PACS1: variants seen among roughly 807,000 people sequenced by gnomAD.
The protein encoded by PACS1 is phosphofurin acidic cluster sorting protein 1.
A neutral mutation model predicts 115.0 loss-of-function variants in PACS1; 24 were observed. That is an observed-to-expected ratio of 0.21 (90% CI 0.15 to 0.29). PACS1 has a LOEUF of 0.29. Ranked by LOEUF, PACS1 falls within the 10% of genes least tolerant of loss-of-function variation. PACS1 has a pLI of 1.00. For missense variants in PACS1, 838 were observed against 1,251.2 expected, an observed-to-expected ratio of 0.67 and a Z score of 4.98; for synonymous variants, 453 against 504.5, an observed-to-expected ratio of 0.90 and a Z score of 1.37.
intron 21 of PACS1, 196 bp from the exon 22 acceptor site, chr11:66,241,231 A>G (rs1855807821): frequency 9.2e-6 from 5 of 540,944 alleles, no homozygotes; most frequent in Non-Finnish European, 1.6e-5. Context: ...TTGGGCCTTT[A>G]TTCTCCCCAG....
intron 1 of PACS1, among the ~76,000 whole-genome samples, chr11:66,122,169 A>G (rs928472632): frequency 6.6e-6 from 1 of 152,208 alleles, no homozygotes; most frequent in Non-Finnish European, 1.5e-5. Context: ...AATTATGCTC[A>G]ATCTACTCTG....
At chr11:66,168,375 G>C (rs1276114257) in intron 1 of PACS1, among the ~76,000 whole-genome samples, 2 of 150,554 alleles carry the variant, frequency 1.3e-5, no homozygotes, top group East Asian at 3.8e-4. Flanking sequence ...ATTTGTATAC[G>C]TACAGTATAA....
chr11:66,171,800 C>A (rs1481331026), intron 1 of PACS1, among the ~76,000 whole-genome samples: 1 of 145,492 alleles, frequency 6.9e-6, no homozygotes, highest in East Asian at 1.9e-4. Context: ...AGGATGGTCT[C>A]GATCTCCTGA....
At chr11:66,092,174 C>G (rs1857679233) in intron 1 of PACS1, among the ~76,000 whole-genome samples, 1 of 152,094 alleles carries the variant, frequency 6.6e-6, no homozygotes, top group Admixed American at 6.5e-5. Flanking sequence ...CACATCCTCT[C>G]CAGCACCTGT....
chr11:66,160,770 C>T (rs1372776054), intron 1 of PACS1, among the ~76,000 whole-genome samples: 1 of 151,360 alleles, frequency 6.6e-6, no homozygotes, highest in Non-Finnish European at 1.5e-5. Flanking sequence ...GATCCTCCTG[C>T]CTCGGCCTCC....
At chr11:66,117,784 G>A (rs2134555614) in intron 1 of PACS1, among the ~76,000 whole-genome samples, 1 of 152,144 alleles carries the variant, frequency 6.6e-6, no homozygotes, top group South Asian at 2.1e-4. Context: ...AGGTGAGGTT[G>A]CAGTGAGCCG....
chr11:66,220,873 T>C (rs1855328498), intron 9 of PACS1, 82 bp downstream of exon 9: 1 of 1,415,650 alleles, frequency 7.1e-7, no homozygotes, highest in Non-Finnish European at 9.7e-7. Context: ...CGCTGTCCCC[T>C]CTATTACCAG....
chr11:66,182,218 A>C (rs6591208), intron 1 of PACS1, among the ~76,000 whole-genome samples: 31,216 of 152,080 alleles, frequency 0.21, 3,283 homozygotes, highest in Middle Eastern at 0.28. Flanking sequence ...TGTGCAAGTA[A>C]TTGGCATTCA....
At chr11:66,141,654 A>C (rs1590774088) in intron 1 of PACS1, among the ~76,000 whole-genome samples, 1 of 94,934 alleles carries the variant, frequency 1.1e-5, no homozygotes, top group African/African-American at 3.5e-5. Flanking sequence ...ACTCCATCTC[A>C]AAAAAAAAAA....
intron 1 of PACS1, among the ~76,000 whole-genome samples, chr11:66,116,828 T>G (rs1858317170): frequency 1.3e-5 from 2 of 151,818 alleles, no homozygotes; most frequent in African/African-American, 4.9e-5. Context: ...AGGTGGAGTT[T>G]GCAGTGAGCT....
At chr11:66,074,071 A>AT (rs536832958) in intron 1 of PACS1, among the ~76,000 whole-genome samples, 4 of 151,470 alleles carry the variant, frequency 2.6e-5, no homozygotes, top group African/African-American at 9.7e-5. Flanking sequence ...TTTTACCAGC[A>AT]TTTTTTTTAA....
intron 1 of PACS1, among the ~76,000 whole-genome samples, chr11:66,181,307 G>C (rs545517857): frequency 6.6e-6 from 1 of 151,602 alleles, no homozygotes; most frequent in Admixed American, 6.6e-5. Flanking sequence ...CACCTCCCAG[G>C]GTTCAAACGA....
chr11:66,234,028 T>C, intron 16 of PACS1, 89 bp downstream of exon 16: 1 of 1,567,040 alleles, frequency 6.4e-7, no homozygotes, highest in Non-Finnish European at 8.8e-7. Context: ...GGTTGGGGCC[T>C]AGGAAGGGAC....
chr11:66,125,806 G>A (rs1411911914), intron 1 of PACS1, among the ~76,000 whole-genome samples: 2 of 152,160 alleles, frequency 1.3e-5, no homozygotes, highest in African/African-American at 4.8e-5. Flanking sequence ...TTGGGAGGCC[G>A]AGGCAGGCAG....
chr11:66,109,085 A>G lies in PACS1; in HGVS notation c.356+38243A>G, dbSNP rs370236016. On this transcript the variant is annotated intron_variant, in intron 1 of 23. Transcript: ENST00000320580. The stretch of plus-strand genomic sequence containing the variant: ...GCTTCAGGTGCAATATCTCACACAG[A>G]CACTATGGCCTTCGTTCACTTTTTA... Among the ~76,000 whole-genome samples the G allele has an allele frequency of 5.9e-5, 9 of 152,348 alleles. No homozygotes were observed. The South Asian group carries it at 8.3e-4, about 14-fold the overall frequency.
chr11:66,215,430 C>T (rs1855178435), intron 4 of PACS1, among the ~76,000 whole-genome samples: 1 of 151,358 alleles, frequency 6.6e-6, no homozygotes, highest in African/African-American at 2.4e-5. Context: ...TAGTGAGACC[C>T]CATCTCTACA....
intron 1 of PACS1, among the ~76,000 whole-genome samples, chr11:66,164,438 TA>T (rs541706127): frequency 1.1e-3 from 161 of 149,552 alleles, no homozygotes; most frequent in African/African-American, 3.4e-3. Context: ...TCAGATCTAT[TA>T]AAAAAAAAAT....
intron 10 of PACS1, among the ~76,000 whole-genome samples, chr11:66,224,925 G>T (rs768878910): frequency 3.3e-5 from 5 of 152,066 alleles, no homozygotes; most frequent in African/African-American, 7.2e-5. Context: ...CATTTTAGAG[G>T]ATTCAGTTTA....
chr11:66,230,943 A>C lies in PACS1; in HGVS notation c.1626+3A>C. Reference sequence around the variant, plus strand: ...CAGATCTGGGCCACAGCACGCAGGTACTTCTGGGTGCCCCCAAAACACCAG... The same window carrying C: ...CAGATCTGGGCCACAGCACGCAGGTCCTTCTGGGTGCCCCCAAAACACCAG... On this transcript the variant is annotated splice_donor_region_variant and intron_variant, in intron 13 of 23. Coordinates refer to ENST00000320580, the MANE Select transcript of PACS1 (RefSeq NM_018026.4). The C allele has an allele frequency of 6.2e-7, 1 of 1,613,800 alleles. No homozygotes were observed. Among genetic ancestry groups the C allele is most frequent in the Non-Finnish European group, 8.5e-7 (1 of 1,180,006 alleles).
Sources: gnomAD v4.1 joint callset for allele counts (sites outside exome capture counted in the v4.1 genomes callset) on GRCh38, gnomAD v4.1.1 for gene constraint, MANE v1.5 for transcripts, NCBI Gene and HGNC (gene_info 2026-07-23, HGNC 2026-07-21) for gene names.